PDIA3: variants seen among roughly 807,000 people sequenced by gnomAD.
PDIA3 encodes protein disulfide isomerase family A member 3.
A neutral mutation model predicts 56.9 loss-of-function variants in PDIA3; 16 were observed. The observed-to-expected ratio is 0.28, with a 90% CI of 0.19 to 0.43. PDIA3 has a LOEUF of 0.43. PDIA3 is among the 20% of genes least tolerant of loss of function. PDIA3 has a pLI of 1.00. For missense variants in PDIA3, 485 were observed against 621.3 expected (o/e 0.78, Z 2.33); for synonymous variants, 192 against 216.5 (o/e 0.89, Z 0.99).
At chr15:43,746,912 G>A in intron 1 of PDIA3, 1 of 593,102 alleles carries the variant, frequency 1.7e-6, no homozygotes, top group Non-Finnish European at 3.0e-6. Context: ...AAAACCCGAA[G>A]GCTGCGCTCA....
chr15:43,766,079 A>G lies in PDIA3; in HGVS notation c.845+67A>G, dbSNP rs540867423. On this transcript the variant is annotated intron_variant, in intron 7 of 12. Transcript: ENST00000300289. ...AATGTATAGACAGTCCCTTCTAACT[A>G]TCTTGTTGGTTCCTTAAGAATCTGT... 3.5e-5 allele frequency: 48 copies of G among 1,355,734 alleles called. 1 individual carries two copies. The highest frequency in any genetic ancestry group is 3.4e-4 in the African/African-American group (23 of 68,024). 84.0% of individuals were successfully genotyped at this position (1,355,734 alleles called of 1,614,324 possible). A position where few individuals can be genotyped will look rare whatever the true frequency, so the allele number is the denominator to read the frequency against.
chr15:43,761,698 A>G (rs1356966776), intron 4 of PDIA3, among the ~76,000 whole-genome samples, 167 bp downstream of exon 4: 1 of 152,086 alleles, frequency 6.6e-6, no homozygotes, highest in Non-Finnish European at 1.5e-5. Context: ...TATATAGTAC[A>G]TTATATAATT....
At chr15:43,756,928 G>C (rs2086781959) in intron 3 of PDIA3, among the ~76,000 whole-genome samples, 162 bp downstream of exon 3, 1 of 152,142 alleles carries the variant, frequency 6.6e-6, no homozygotes, top group African/African-American at 2.4e-5. Context: ...TAAATGAACA[G>C]ATTATATAAG....
At chr15:43,761,668 C>A (rs2086817114) in intron 4 of PDIA3, 137 bp downstream of exon 4, 1 of 577,588 alleles carries the variant, frequency 1.7e-6, no homozygotes, top group Non-Finnish European at 3.2e-6. Context: ...AGAATTGGGT[C>A]AGCAATTACT....
chr15:43,770,641 A>C, intron 12 of PDIA3, 61 bp downstream of exon 12: 1 of 1,058,574 alleles, frequency 9.4e-7, no homozygotes, highest in Non-Finnish European at 1.5e-6. Context: ...ACAACCTTAA[A>C]CATAGTTCTT....
In PDIA3 at chr15:43,750,870, C is replaced by T. The variant is rs75568377; in HGVS notation, c.168-2954C>T. ...AATAATGGCTGGGTGCAAAGGCTCACGCCTGTAATCCCAGCACTTTGGGAG... is the reference window on the plus strand; with the variant it reads ...AATAATGGCTGGGTGCAAAGGCTCATGCCTGTAATCCCAGCACTTTGGGAG... On this transcript the variant is annotated intron_variant, in intron 1 of 12. Coordinates refer to ENST00000300289, the MANE Select transcript of PDIA3 (RefSeq NM_005313.5). 2.2e-3 allele frequency among the ~76,000 whole-genome samples: 342 copies of T among 152,088 alleles called. 2 individuals carry two copies. The highest frequency in any genetic ancestry group is 4.1e-3 in the Non-Finnish European group (282 of 67,984).
At position 43,763,210 on chromosome 15, in the gene PDIA3, A is replaced by C. The variant is rs746701673; in HGVS notation, c.602+4A>C. On this transcript the variant is annotated splice_donor_region_variant and intron_variant, in intron 5 of 12. Coordinates refer to ENST00000300289, the MANE Select transcript of PDIA3 (RefSeq NM_005313.5). ...ACGAGTATGATGATAATGGAGAGTA[A>C]GTGACTGAGTTGAATCTCCTGACCA... 2 of 1,613,140 alleles carry C rather than the reference A, an allele frequency of 1.2e-6. No individual in the cohort carries two copies. Among genetic ancestry groups the C allele is most frequent in the East Asian group, 2.2e-5 (1 of 44,854 alleles).
intron 3 of PDIA3, among the ~76,000 whole-genome samples, chr15:43,759,155 T>TG (rs1184931288): frequency 6.6e-6 from 1 of 151,710 alleles, no homozygotes; most frequent in Non-Finnish European, 1.5e-5. Context: ...CCGGGTGCAG[T>TG]GGCGGGTGCC....
At position 43,755,898 on chromosome 15, in the gene PDIA3, G is replaced by A. The variant is rs139615738; in HGVS notation, c.247-751G>A. 1.8e-4 allele frequency among the ~76,000 whole-genome samples: 26 copies of A among 148,082 alleles called. No individual in the cohort carries two copies. In the East Asian group the frequency reaches 4.9e-3, roughly 28 times the overall value. On this transcript the variant is annotated intron_variant, in intron 2 of 12. Coordinates refer to ENST00000300289, the MANE Select transcript of PDIA3 (RefSeq NM_005313.5). ...CATTGCACTCCAGCCTGGGCAACAA[G>A]AGTGAAACTCCGTCTCAAAAAAAAA... is the stretch of plus-strand genomic sequence containing the variant.
At chr15:43,767,105 T>C (rs2086852091) in intron 8 of PDIA3, among the ~76,000 whole-genome samples, 195 bp downstream of exon 8, 1 of 152,182 alleles carries the variant, frequency 6.6e-6, no homozygotes, top group African/African-American at 2.4e-5. Flanking sequence ...ATCCCAGCAC[T>C]TTGGGAGGCC....
intron 5 of PDIA3, among the ~76,000 whole-genome samples, chr15:43,763,602 T>A (rs2086830902): frequency 6.6e-6 from 1 of 152,156 alleles, no homozygotes. Flanking sequence ...ATTGAGTACT[T>A]TCAAGGCATT....
intron 1 of PDIA3, among the ~76,000 whole-genome samples, chr15:43,747,279 T>G (rs183415274): frequency 6.8e-4 from 104 of 152,324 alleles, no homozygotes; most frequent in Admixed American, 3.0e-3. Flanking sequence ...ATCACTTACA[T>G]CTCAGTACCG....
intron 8 of PDIA3, among the ~76,000 whole-genome samples, chr15:43,767,729 C>T (rs1169874865): frequency 6.8e-6 from 1 of 147,282 alleles, no homozygotes; most frequent in Admixed American, 6.8e-5. Flanking sequence ...GAGATCATGC[C>T]ACTGTTCTCC....
intron 2 of PDIA3, among the ~76,000 whole-genome samples, chr15:43,755,011 A>T (rs1441529556): frequency 2.6e-5 from 4 of 152,098 alleles, no homozygotes; most frequent in African/African-American, 4.8e-5. Flanking sequence ...TGGAAAGCAG[A>T]AGTACAGCTA....
At position 43,772,927 on chromosome 15, in the gene PDIA3, C is replaced by T; in HGVS notation, c.*1709C>T. The T allele has an allele frequency of 1.9e-6, 1 of 539,398 alleles. No individual in the cohort carries two copies. The highest frequency in any genetic ancestry group is 3.2e-6 in the Non-Finnish European group (1 of 311,604). 33.4% of individuals were successfully genotyped at this position (539,398 alleles called of 1,614,324 possible). On this transcript the variant is annotated 3_prime_UTR_variant, in exon 13 of 13. Coordinates refer to ENST00000300289, the MANE Select transcript of PDIA3 (RefSeq NM_005313.5). ...CCTAGGCACAGCTATGGAGTCTTTG[C>T]ACAGTGCCCATACCCTAAAAATTAA...
chr15:43,749,794 T>G (rs1040253660), intron 1 of PDIA3, among the ~76,000 whole-genome samples: 1 of 151,898 alleles, frequency 6.6e-6, no homozygotes, highest in Non-Finnish European at 1.5e-5. Context: ...TGACAAAAAT[T>G]AACCGGGCAT....
chr15:43,753,433 A>G (rs974266524), intron 1 of PDIA3, among the ~76,000 whole-genome samples: 1 of 152,186 alleles, frequency 6.6e-6, no homozygotes, highest in Non-Finnish European at 1.5e-5. Flanking sequence ...GGGGAATTCT[A>G]TCAGAAATGG....
rs770495363 is a variant in PDIA3 at position 43,746,755 on chromosome 15, G to T, written c.167+49G>T. 9 of 1,599,036 alleles carry T rather than the reference G, an allele frequency of 5.6e-6. No homozygotes were observed. The Admixed American group carries it at 1.5e-4, about 27-fold the overall frequency. ...GGGAAGAAAGGCGGGGCTGGGCCGG[G>T]GGCGAGAGCGCGGGGAACTGTTGGG... is the stretch of plus-strand genomic sequence containing the variant. On this transcript the variant is annotated intron_variant, in intron 1 of 12. Coordinates refer to ENST00000300289, the MANE Select transcript of PDIA3 (RefSeq NM_005313.5).
chr15:43,751,767 T>C, intron 1 of PDIA3: 1 of 1,293,248 alleles, frequency 7.7e-7, no homozygotes. Flanking sequence ...CAGTAAGCCA[T>C]GCATACTTTT....
Sources: gnomAD v4.1 joint callset for allele counts (sites outside exome capture counted in the v4.1 genomes callset) on GRCh38, gnomAD v4.1.1 for gene constraint, MANE v1.5 for transcripts, NCBI Gene and HGNC (gene_info 2026-07-23, HGNC 2026-07-21) for gene names.